The following CSMD1 variants were observed in gnomAD, a reference collection of about 807,000 sequenced individuals.
The protein encoded by CSMD1 is CUB and sushi domain-containing protein 1.
In CSMD1, 213 loss-of-function variants were observed where a neutral mutation model predicts 417.5. The ratio of observed to expected loss-of-function variants is 0.51; its 90% CI spans 0.46 to 0.57. The LOEUF is 0.57. Among genes scored for constraint, CSMD1 ranks in the 20% least tolerant of loss-of-function variants. CSMD1 has a pLI of 0.00. For synonymous variants in CSMD1, 2,862 were observed against 1,736.8 expected (o/e 1.65, Z -16.11); for missense variants, 6,923 against 4,529.7 (o/e 1.53, Z -15.17).
At chr8:3,367,305 G>A (rs1380403447) in intron 19 of CSMD1, 58 bp from the exon 20 acceptor site, 23 of 1,102,050 alleles carry the variant, frequency 2.1e-5, no homozygotes, top group Non-Finnish European at 2.7e-5. Context: ...CGGGGCGGCG[G>A]GGGCAGAGAG....
At chr8:3,480,506 G>A (rs1468568570) in intron 11 of CSMD1, among the ~76,000 whole-genome samples, 1 of 152,104 alleles carries the variant, frequency 6.6e-6, no homozygotes, top group Non-Finnish European at 1.5e-5. Flanking sequence ...CTAGATGATG[G>A]TGTTGAAATT....
chr8:3,113,884 G>C (rs774732541), intron 42 of CSMD1, among the ~76,000 whole-genome samples: 2 of 152,136 alleles, frequency 1.3e-5, no homozygotes, highest in Non-Finnish European at 2.9e-5. Flanking sequence ...TTTCTGTGAA[G>C]AGAGATGGAT....
chr8:4,488,665 A>C (rs1181222635), intron 2 of CSMD1, among the ~76,000 whole-genome samples: 1 of 150,608 alleles, frequency 6.6e-6, no homozygotes, highest in African/African-American at 2.5e-5. Context: ...AACACCAAAG[A>C]ATTACATAAT....
At chr8:4,607,736 G>A (rs948713788) in intron 2 of CSMD1, among the ~76,000 whole-genome samples, 4 of 152,112 alleles carry the variant, frequency 2.6e-5, no homozygotes, top group African/African-American at 7.2e-5. Context: ...AACAGTAAAC[G>A]TAGCAGCCTC....
chr8:4,658,777 C>A (rs2130914422), intron 1 of CSMD1, among the ~76,000 whole-genome samples: 1 of 152,176 alleles, frequency 6.6e-6, no homozygotes, highest in Non-Finnish European at 1.5e-5. Context: ...AAGACAAATA[C>A]ATAAAACAAT....
At chr8:3,267,039 C>T (rs940915747) in intron 26 of CSMD1, among the ~76,000 whole-genome samples, 1 of 152,246 alleles carries the variant, frequency 6.6e-6, no homozygotes, top group East Asian at 1.9e-4. Context: ...TTTTAAATGT[C>T]AGAGACTTGA....
At chr8:3,438,941 C>A (rs947940027) in intron 12 of CSMD1, among the ~76,000 whole-genome samples, 4 of 150,850 alleles carry the variant, frequency 2.7e-5, no homozygotes, top group Non-Finnish European at 4.4e-5. Context: ...CCTGGTGAAA[C>A]CTCATCTCTA....
At chr8:3,249,536 G>A (rs9644268) in intron 26 of CSMD1, among the ~76,000 whole-genome samples, 29,305 of 151,914 alleles carry the variant, frequency 0.19, 2,981 homozygotes, top group South Asian at 0.29. Context: ...TGAGATTTAA[G>A]AAAATAAAAG....
intron 3 of CSMD1, among the ~76,000 whole-genome samples, chr8:4,194,427 C>G (rs1046729824): frequency 2.6e-5 from 4 of 152,140 alleles, no homozygotes; most frequent in African/African-American, 9.7e-5. Context: ...TGTAAAATAT[C>G]TAACAATAAA....
At chr8:3,195,906 G>C (rs1259702524) in intron 33 of CSMD1, among the ~76,000 whole-genome samples, 1 of 152,166 alleles carries the variant, frequency 6.6e-6, no homozygotes, top group East Asian at 1.9e-4. Flanking sequence ...AACTGTCAGA[G>C]GTGTTTGATC....
intron 12 of CSMD1, among the ~76,000 whole-genome samples, chr8:3,455,701 C>G (rs112064624): frequency 2.8e-4 from 42 of 152,318 alleles, no homozygotes; most frequent in Admixed American, 2.0e-4. Flanking sequence ...ACCTGGCCAT[C>G]TGAGGTGTCA....
intron 10 of CSMD1, among the ~76,000 whole-genome samples, chr8:3,559,555 T>C (rs907230928): frequency 1.1e-4 from 16 of 152,156 alleles, no homozygotes; most frequent in African/African-American, 3.9e-4. Context: ...GGAAAAGAAT[T>C]GGGTTTTTGT....
At chr8:4,123,745 T>C (rs780757086) in intron 3 of CSMD1, among the ~76,000 whole-genome samples, 2 of 152,212 alleles carry the variant, frequency 1.3e-5, no homozygotes, top group Non-Finnish European at 2.9e-5. Context: ...GAATTCAATG[T>C]GTTTATGCTG....
At chr8:4,032,443 G>A (rs1797397273) in intron 3 of CSMD1, among the ~76,000 whole-genome samples, 1 of 152,146 alleles carries the variant, frequency 6.6e-6, no homozygotes, top group Admixed American at 6.6e-5. Context: ...AGATGTCAGT[G>A]TCAGCAACCA....
intron 7 of CSMD1, among the ~76,000 whole-genome samples, chr8:3,669,290 T>A (rs1441972555): frequency 6.6e-6 from 1 of 152,202 alleles, no homozygotes; most frequent in East Asian, 1.9e-4. Context: ...ATCTGTCATT[T>A]TGTCATTGTG....
intron 3 of CSMD1, among the ~76,000 whole-genome samples, chr8:4,375,867 C>T (rs2128915666): frequency 6.6e-6 from 1 of 152,240 alleles, no homozygotes; most frequent in East Asian, 1.9e-4. Context: ...AAAAGATGTA[C>T]ACAACTCCCA....
rs374871801 is a variant in CSMD1 at position 3,472,397 on chromosome 8, A to G, written c.1449-3573T>C. On this transcript the variant is annotated intron_variant, in intron 11 of 69. Coordinates refer to ENST00000635120, the MANE Select transcript of CSMD1 (RefSeq NM_033225.6). Reference sequence around the variant, plus strand: ...CTACTAATGATTTTGTCACATTTTTACCCAGCCTGGACAACATGATTGGTA... The same window carrying G: ...CTACTAATGATTTTGTCACATTTTTGCCCAGCCTGGACAACATGATTGGTA... Among the ~76,000 whole-genome samples, 3 of 152,092 alleles carry G rather than the reference A, an allele frequency of 2.0e-5. No homozygotes were observed. The East Asian group carries it at 5.8e-4, about 29-fold the overall frequency.
intron 3 of CSMD1, among the ~76,000 whole-genome samples, chr8:4,108,145 A>G (rs1042106499): frequency 1.3e-5 from 2 of 151,998 alleles, no homozygotes; most frequent in African/African-American, 4.8e-5. Flanking sequence ...AGGGGAGAAG[A>G]CAGAAGAGAG....
intron 54 of CSMD1, among the ~76,000 whole-genome samples, chr8:2,993,415 C>T (rs73502854): frequency 0.013 from 1,974 of 152,244 alleles, 42 homozygotes; most frequent in African/African-American, 0.045. Context: ...TGCCCCTGTC[C>T]GGCATCACTT....
Sources: gnomAD v4.1 joint callset for allele counts (sites outside exome capture counted in the v4.1 genomes callset) on GRCh38, gnomAD v4.1.1 for gene constraint, MANE v1.5 for transcripts, NCBI Gene and HGNC (gene_info 2026-07-23, HGNC 2026-07-21) for gene names.